Variants in TAFA1 observed in about 807,000 individuals in gnomAD.
TAFA1 encodes chemokine-like protein TAFA-1.
TAFA1 carries 4 observed loss-of-function variants against 18.5 expected under a neutral mutation model. The observed-to-expected ratio is 0.22, with a 90% CI of 0.11 to 0.49. The LOEUF (loss-of-function observed/expected upper bound fraction) is 0.49. TAFA1 is among the 20% of genes least tolerant of loss of function. The probability of loss-of-function intolerance (pLI) is 0.98; values close to 1 mark genes in which losing one functional copy is unlikely to be tolerated. For missense variants in TAFA1, 147 were observed against 169.0 expected (o/e 0.87, Z 0.72); for synonymous variants, 56 against 55.2 (o/e 1.01, Z -0.06).
At chr3:68,278,888 G>T (rs1199457046) in intron 2 of TAFA1, among the ~76,000 whole-genome samples, 3 of 152,144 alleles carry the variant, frequency 2.0e-5, no homozygotes, top group African/African-American at 7.2e-5. Context: ...ACCATGGTTT[G>T]TTAGCATTGT....
intron 2 of TAFA1, among the ~76,000 whole-genome samples, chr3:68,306,493 T>A (rs2068425191): frequency 6.6e-6 from 1 of 150,644 alleles, no homozygotes; most frequent in Non-Finnish European, 1.5e-5. Flanking sequence ...AACTCACATA[T>A]ACAGTTGTGC....
At chr3:68,078,654 A>G (rs2064857528) in intron 2 of TAFA1, among the ~76,000 whole-genome samples, 2 of 152,028 alleles carry the variant, frequency 1.3e-5, no homozygotes, top group Non-Finnish European at 2.9e-5. Flanking sequence ...CATCCCAGGG[A>G]TGAAGCCCAC....
chr3:68,093,572 T>A (rs759077948), intron 2 of TAFA1, among the ~76,000 whole-genome samples: 4 of 151,976 alleles, frequency 2.6e-5, no homozygotes, highest in Non-Finnish European at 5.9e-5. Flanking sequence ...TCTCGGGAGG[T>A]AGGTCAGTCT....
At chr3:68,281,533 G>A (rs1045158733) in intron 2 of TAFA1, among the ~76,000 whole-genome samples, 1 of 146,750 alleles carries the variant, frequency 6.8e-6, no homozygotes, top group Non-Finnish European at 1.5e-5. Context: ...ACAGTGGTGC[G>A]ATCTCGGCTC....
At chr3:68,232,553 T>G (rs2107118624) in intron 2 of TAFA1, among the ~76,000 whole-genome samples, 1 of 152,334 alleles carries the variant, frequency 6.6e-6, no homozygotes, top group East Asian at 1.9e-4. Context: ...TTTTCTTTCC[T>G]TTGCATAAGT....
At chr3:68,524,651 GT>G (rs1379545185) in intron 3 of TAFA1, among the ~76,000 whole-genome samples, 1 of 151,012 alleles carries the variant, frequency 6.6e-6, no homozygotes, top group Non-Finnish European at 1.5e-5. Flanking sequence ...ATGTTTCTAG[GT>G]TGTTTTTTGT....
At chr3:68,378,330 G>A (rs917151197) in intron 2 of TAFA1, among the ~76,000 whole-genome samples, 2 of 152,196 alleles carry the variant, frequency 1.3e-5, no homozygotes, top group African/African-American at 2.4e-5. Flanking sequence ...GGAGCTTTAA[G>A]ATTTAATGAC....
intron 2 of TAFA1, among the ~76,000 whole-genome samples, chr3:68,272,378 A>T (rs901000813): frequency 6.6e-6 from 1 of 152,154 alleles, no homozygotes; most frequent in South Asian, 2.1e-4. Context: ...CAAAGATTTG[A>T]CAAATTTACC....
intron 2 of TAFA1, among the ~76,000 whole-genome samples, chr3:68,163,381 G>A (rs577297207): frequency 4.6e-5 from 7 of 152,244 alleles, no homozygotes; most frequent in Non-Finnish European, 7.4e-5. Context: ...TCATCCACTG[G>A]TTCCACCCAT....
intron 3 of TAFA1, among the ~76,000 whole-genome samples, chr3:68,462,605 A>T (rs1045054478): frequency 1.3e-5 from 2 of 152,220 alleles, no homozygotes; most frequent in African/African-American, 4.8e-5. Context: ...GATAAATTCT[A>T]TAGAAAATAA....
intron 2 of TAFA1, among the ~76,000 whole-genome samples, chr3:68,279,813 C>T (rs1559596926): frequency 6.6e-6 from 1 of 152,156 alleles, no homozygotes; most frequent in Non-Finnish European, 1.5e-5. Flanking sequence ...GTGCATTACA[C>T]AGTACATATA....
intron 2 of TAFA1, among the ~76,000 whole-genome samples, chr3:68,348,283 C>A (rs2069200203): frequency 6.6e-6 from 1 of 152,128 alleles, no homozygotes. Flanking sequence ...GCTTTGCACA[C>A]AGTTAGTCTA....
intron 2 of TAFA1, 60 bp downstream of exon 2, chr3:68,006,804 G>A: frequency 8.3e-7 from 1 of 1,210,744 alleles, no homozygotes; most frequent in South Asian, 1.2e-5. Context: ...TTCCTTAACA[G>A]ATGGTTGAAT....
intron 2 of TAFA1, among the ~76,000 whole-genome samples, chr3:68,105,174 A>G (rs1235632634): frequency 6.6e-6 from 1 of 152,164 alleles, no homozygotes; most frequent in Non-Finnish European, 1.5e-5. Flanking sequence ...TTTATGAGGC[A>G]TCTGCCCCAG....
chr3:68,150,701 A>G (rs993247511), intron 2 of TAFA1, among the ~76,000 whole-genome samples: 4 of 152,054 alleles, frequency 2.6e-5, no homozygotes, highest in African/African-American at 9.7e-5. Context: ...TTTCCCGCCT[A>G]TTGAAATTGA....
At chr3:68,151,762 A>T (rs1195300040) in intron 2 of TAFA1, among the ~76,000 whole-genome samples, 2 of 152,190 alleles carry the variant, frequency 1.3e-5, no homozygotes, top group Non-Finnish European at 2.9e-5. Context: ...TGCATTAGGG[A>T]TTAAGTTTCC....
intron 2 of TAFA1, among the ~76,000 whole-genome samples, chr3:68,394,644 ACACTATG>A (rs1462913917): frequency 6.6e-6 from 1 of 152,160 alleles, no homozygotes; most frequent in Non-Finnish European, 1.5e-5. Context: ...CTCACAAATA[ACACTATG>A]CATCTACAAG....
At chr3:68,080,306 C>A (rs949376406) in intron 2 of TAFA1, among the ~76,000 whole-genome samples, 2 of 151,940 alleles carry the variant, frequency 1.3e-5, no homozygotes, top group Non-Finnish European at 2.9e-5. Context: ...GCATTTAGTC[C>A]ATTTACATTT....
chr3:68,363,330 G>A (rs997865239), intron 2 of TAFA1, among the ~76,000 whole-genome samples: 3 of 152,112 alleles, frequency 2.0e-5, no homozygotes, highest in South Asian at 2.1e-4. Context: ...ACCACGATGG[G>A]TCCTGGGTTG....
Sources: allele counts gnomAD v4.1 joint callset (sites outside exome capture counted in the v4.1 genomes callset), GRCh38; gene constraint gnomAD v4.1.1; transcripts MANE v1.5; gene names NCBI Gene and HGNC (gene_info 2026-07-23, HGNC 2026-07-21).